Variants in PABPC4 observed in about 807,000 individuals in gnomAD.
The protein encoded by PABPC4 is polyadenylate-binding protein 4.
A neutral mutation model predicts 74.5 loss-of-function variants in PABPC4; 15 were observed. That is an observed-to-expected ratio of 0.20 (90% CI 0.13 to 0.31). The LOEUF is 0.31. PABPC4 is among the 10% of genes least tolerant of loss of function. The probability of loss-of-function intolerance (pLI) is 1.00; values close to 1 mark genes in which losing one functional copy is unlikely to be tolerated. For synonymous variants in PABPC4, 345 were observed against 303.0 expected (o/e 1.14, Z -1.44); for missense variants, 610 against 853.5 (o/e 0.71, Z 3.55).
At chr1:39,562,236 CAA>C in intron 13 of PABPC4, 33 bp from the exon 14 acceptor site, 1 of 1,613,692 alleles carries the variant, frequency 6.2e-7, no homozygotes, top group Non-Finnish European at 8.5e-7. Flanking sequence ...AAAAACAAAT[CAA>C]ATCCCAGTAA....
At chr1:39,561,238 G>A (rs1389673649) in intron 15 of PABPC4, 116 bp from the exon 16 acceptor site, 1 of 426,438 alleles carries the variant, frequency 2.3e-6, no homozygotes, top group African/African-American at 2.0e-5. Flanking sequence ...CAGTGCTATT[G>A]ACACTTTGGA....
Position 39,562,366 on chromosome 1 carries a change from G to A in PABPC4, c.1719C>T (p.Ser573=). 1 of 1,614,092 alleles carries A rather than the reference G, an allele frequency of 6.2e-7. No individual in the cohort carries two copies. The highest frequency in any genetic ancestry group is 8.5e-7 in the Non-Finnish European group (1 of 1,180,024). Residue 573 remains serine, a synonymous_variant, in exon 13 of 16, where the codon TCC becomes TCT. Transcript: ENST00000372858. ...HVQGQEPLTA[S]MLAAAPPQEQ... is the part of the protein sequence containing the mutation. ...CCTGGGGGGGTGCTGCAGCCAGCATGGAGGCAGTCAGTGGCTCCTGCCCCT... is the reference window on the plus strand; with the variant it reads ...CCTGGGGGGGTGCTGCAGCCAGCATAGAGGCAGTCAGTGGCTCCTGCCCCT...
At chr1:39,562,599 G>A (rs1236178748) in intron 12 of PABPC4, 183 bp from the exon 13 acceptor site, 1 of 537,256 alleles carries the variant, frequency 1.9e-6, no homozygotes, top group East Asian at 2.9e-5. Flanking sequence ...GAACAGAGTG[G>A]TATGGACATA....
chr1:39,560,958 T>C lies in PABPC4; in HGVS notation c.*178A>G, dbSNP rs1245991256. On this transcript the variant is annotated 3_prime_UTR_variant, in exon 16 of 16. Coordinates refer to ENST00000372858, the MANE Select transcript of PABPC4 (RefSeq NM_001135653.2). Reference sequence around the variant, plus strand: ...GCCACAGCAGAACCCAAAGAACATATTCGTATAATTGAAAAATTCTAGGTG... The same window carrying C: ...GCCACAGCAGAACCCAAAGAACATACTCGTATAATTGAAAAATTCTAGGTG... The C allele has an allele frequency of 3.1e-6, 1 of 321,342 alleles. No homozygotes were observed. Among genetic ancestry groups the C allele is most frequent in the Non-Finnish European group, 6.5e-6 (1 of 154,676 alleles). The allele number at this position is 321,342 out of a possible 1,614,324, so 19.9% of individuals were successfully genotyped here. A position where few individuals can be genotyped will look rare whatever the true frequency, so the allele number is the denominator to read the frequency against.
chr1:39,576,561 G>T lies in PABPC4; in HGVS notation c.-610C>A. The T allele has an allele frequency of 6.7e-6, 1 of 149,908 alleles. No individual in the cohort carries two copies. The highest frequency in any genetic ancestry group is 1.9e-4 in the South Asian group (1 of 5,362). The allele number at this position is 149,908 out of a possible 1,614,324, so 9.3% of individuals were successfully genotyped here. A position where few individuals can be genotyped will look rare whatever the true frequency, so the allele number is the denominator to read the frequency against. On this transcript the variant is annotated 5_prime_UTR_variant, in exon 1 of 16. Transcript: ENST00000372858. ...CGGGCGGGCGGCTCACCCCCGGACC[G>T]ACGGACGGAGACCGACGGACGCCAA...
At chr1:39,566,830 G>A (rs1645851587) in intron 7 of PABPC4, among the ~76,000 whole-genome samples, 1 of 152,116 alleles carries the variant, frequency 6.6e-6, no homozygotes, top group Admixed American at 6.5e-5. Context: ...TCAAGGGGGG[G>A]GTCATAGCAA....
Position 39,565,182 on chromosome 1 carries a change from C to G in PABPC4, c.1169G>C (p.Arg390Thr). ...TAAGATGGCATTGGCAGGAAGTGCT[C>G]TCATTCCAGCCACTCGTTGCATATA... ...NQYMQRVAGM[R>T]ALPANAILNQ... The change falls in exon 8 of 16, where the codon AGA becomes ACA. Residue 390 changes from arginine to threonine, a missense_variant. Physicochemically the swap from Arg to Thr is moderately conservative, Grantham distance 71 (BLOSUM62 -1). Coordinates refer to ENST00000372858, the MANE Select transcript of PABPC4 (RefSeq NM_001135653.2). 1 of 1,614,130 alleles carries G rather than the reference C, an allele frequency of 6.2e-7. No homozygotes were observed.
intron 7 of PABPC4, among the ~76,000 whole-genome samples, chr1:39,566,632 T>C (rs2124449575): frequency 6.6e-6 from 1 of 152,298 alleles, no homozygotes; most frequent in South Asian, 2.1e-4. Context: ...AGTAAAGAAG[T>C]GCATCACTCC....
chr1:39,569,406 CA>C, intron 5 of PABPC4, 188 bp downstream of exon 5: 1 of 600,918 alleles, frequency 1.7e-6, no homozygotes, highest in Non-Finnish European at 3.0e-6. Context: ...AGGTATGTGC[CA>C]AGTGCTTTGT....
In PABPC4 at chr1:39,564,460, C is replaced by T. The variant is rs551051840; in HGVS notation, c.1416G>A (p.Pro472=). ...LRHLAPTGNA[P]ASRGLPTTTQ... ...TGGTAGTAGGGAGGCCACGAGAGGC[C>T]GGAGCATTACCAGTTGGAGCCAGAT... Residue 472 remains proline (P), a synonymous_variant, in exon 10 of 16, where the codon CCG becomes CCA. Transcript: ENST00000372858. 9.3e-6 allele frequency: 15 copies of T among 1,614,128 alleles called. No homozygotes were observed. In the African/African-American group the frequency reaches 9.3e-5, roughly 10 times the overall value.
Position 39,564,748 on chromosome 1 carries a change from G to T in PABPC4, c.1271C>A (p.Thr424Lys). Residue 424 changes from threonine to lysine, a missense_variant, in exon 9 of 16, where the codon ACA becomes AAA. Physicochemically the swap from Thr to Lys is moderately conservative, Grantham distance 78. This residue lies in a region of PABPC4 where 277 missense variants were observed against 301.8 expected (regional missense o/e 0.92). Coordinates refer to ENST00000372858, the MANE Select transcript of PABPC4 (RefSeq NM_001135653.2). ...CCTCATCTGTGCTAACTGGTTAGGT[G>T]TATAATATGGAGGCCTTCCCTGAGC... ...PQAQGRPPYY[T>K]PNQLAQMRPN... The T allele has an allele frequency of 6.2e-7, 1 of 1,614,054 alleles. No individual in the cohort carries two copies. Among genetic ancestry groups the T allele is most frequent in the African/African-American group, 1.3e-5 (1 of 75,030 alleles).
At chr1:39,567,385 A>G in intron 7 of PABPC4, 1 of 523,572 alleles carries the variant, frequency 1.9e-6, no homozygotes, top group Non-Finnish European at 3.8e-6. Flanking sequence ...AATGTGGCAG[A>G]GCTGTAGAGA....
intron 3 of PABPC4, 57 bp downstream of exon 3, chr1:39,571,177 G>C: frequency 3.1e-6 from 5 of 1,611,304 alleles, no homozygotes; most frequent in Non-Finnish European, 4.2e-6. Flanking sequence ...AGTTAATAGC[G>C]AGGTGGGGCC....
chr1:39,566,459 C>T (rs1236397830), intron 7 of PABPC4, among the ~76,000 whole-genome samples: 1 of 152,212 alleles, frequency 6.6e-6, no homozygotes, highest in Non-Finnish European at 1.5e-5. Context: ...TACAAAACCA[C>T]AGGTCTACTG....
chr1:39,564,643 C>G (rs1286311802), intron 9 of PABPC4, 43 bp downstream of exon 9: 1 of 1,601,530 alleles, frequency 6.2e-7, no homozygotes, highest in Non-Finnish European at 8.6e-7. Flanking sequence ...GAGACCAGGA[C>G]AGGTATATCC....
chr1:39,561,984 C>A, intron 14 of PABPC4, 89 bp downstream of exon 14: 3 of 1,460,000 alleles, frequency 2.1e-6, no homozygotes, highest in South Asian at 1.3e-5. Flanking sequence ...GGCAGCAGAT[C>A]CCACTTTCTG....
At chr1:39,571,872 G>A (rs1224817077) in intron 2 of PABPC4, among the ~76,000 whole-genome samples, 2 of 152,212 alleles carry the variant, frequency 1.3e-5, no homozygotes, top group South Asian at 2.1e-4. Context: ...GCAAGACTCT[G>A]TCTCTTTAAA....
intron 7 of PABPC4, 115 bp downstream of exon 7, chr1:39,567,636 A>C: frequency 8.5e-6 from 6 of 702,956 alleles, no homozygotes; most frequent in Non-Finnish European, 1.0e-5. Flanking sequence ...AGAAAAACGT[A>C]GTAGCTACTT....
intron 12 of PABPC4, 117 bp from the exon 13 acceptor site, chr1:39,562,533 G>GTCC (rs1645780747): frequency 1.4e-6 from 1 of 722,432 alleles, no homozygotes; most frequent in South Asian, 1.9e-5. Context: ...GGAGGTGGCT[G>GTCC]TCCTTGCTCT....
Sources: gnomAD v4.1 joint callset for allele counts (sites outside exome capture counted in the v4.1 genomes callset) on GRCh38, gnomAD v4.1.1 for gene constraint, gnomAD v4.1.1 regional missense constraint, MANE v1.5 for transcripts, NCBI Gene and HGNC (gene_info 2026-07-23, HGNC 2026-07-21) for gene names.